The following SIPA1L1 variants were observed in gnomAD, a reference collection of about 807,000 sequenced individuals.
SIPA1L1 encodes signal-induced proliferation-associated 1-like protein 1.
SIPA1L1 carries 26 observed loss-of-function variants against 162.7 expected under a neutral mutation model. The observed-to-expected ratio is 0.16, with a 90% CI of 0.12 to 0.22. The LOEUF (loss-of-function observed/expected upper bound fraction) is 0.22, where lower values mean the gene tolerates loss of function less well. Ranked by LOEUF, SIPA1L1 falls within the 10% of genes least tolerant of loss-of-function variation. The pLI is 1.00. For missense variants in SIPA1L1, 1,874 were observed against 2,241.0 expected (o/e 0.84, Z 3.31); for synonymous variants, 829 against 837.4 (o/e 0.99, Z 0.17).
At chr14:71,473,501 A>G (rs945083802) in intron 2 of SIPA1L1, among the ~76,000 whole-genome samples, 1 of 152,140 alleles carries the variant, frequency 6.6e-6, no homozygotes, top group Admixed American at 6.6e-5. Flanking sequence ...TTCTGATTCA[A>G]ATTTATTGGT....
At chr14:71,602,089 CT>C (rs1454267415) in intron 5 of SIPA1L1, among the ~76,000 whole-genome samples, 10 of 151,186 alleles carry the variant, frequency 6.6e-5, no homozygotes, top group Non-Finnish European at 1.2e-4. Context: ...TCTGTTATTT[CT>C]TTCCTTCTAC....
intron 3 of SIPA1L1, chr14:71,528,724 C>T (rs1345098021): frequency 1.3e-5 from 2 of 152,122 alleles, no homozygotes; most frequent in Admixed American, 6.6e-5. Flanking sequence ...TCCAGGGCAA[C>T]AGTACTTGAT....
chr14:71,656,900 G>C (rs538645941), intron 8 of SIPA1L1, among the ~76,000 whole-genome samples: 2 of 152,214 alleles, frequency 1.3e-5, no homozygotes, highest in Admixed American at 6.5e-5. Context: ...GAGTATTTTG[G>C]GGGGTGGGCC....
chr14:71,640,047 G>A (rs1257257068), intron 7 of SIPA1L1, among the ~76,000 whole-genome samples: 2 of 152,024 alleles, frequency 1.3e-5, no homozygotes, highest in East Asian at 3.9e-4. Flanking sequence ...GGAATTACAG[G>A]TGCATACCAC....
At chr14:71,657,372 G>A (rs1365710690) in intron 8 of SIPA1L1, among the ~76,000 whole-genome samples, 2 of 151,310 alleles carry the variant, frequency 1.3e-5, no homozygotes, top group Non-Finnish European at 1.5e-5. Flanking sequence ...AAAAAATTGG[G>A]TTGATAGAGG....
chr14:71,464,680 T>G (rs1359330133), intron 2 of SIPA1L1, among the ~76,000 whole-genome samples: 2 of 151,612 alleles, frequency 1.3e-5, no homozygotes, highest in Non-Finnish European at 2.9e-5. Flanking sequence ...ACAAACAGAG[T>G]CCCTACTTAG....
At chr14:71,601,375 T>G (rs2036728869) in intron 5 of SIPA1L1, among the ~76,000 whole-genome samples, 3 of 152,220 alleles carry the variant, frequency 2.0e-5, no homozygotes, top group Admixed American at 2.0e-4. Context: ...TCCATTCAGT[T>G]GATGTGATAT....
At chr14:71,332,226 A>G (rs2034626885) in intron 2 of SIPA1L1, among the ~76,000 whole-genome samples, 1 of 152,126 alleles carries the variant, frequency 6.6e-6, no homozygotes, top group Non-Finnish European at 1.5e-5. Context: ...CTTTTCCTGT[A>G]AGTGTTTATT....
At chr14:71,437,725 A>G (rs2044507030) in intron 2 of SIPA1L1, among the ~76,000 whole-genome samples, 2 of 152,168 alleles carry the variant, frequency 1.3e-5, no homozygotes, top group Non-Finnish European at 2.9e-5. Context: ...TACCTCTATC[A>G]CAACAAACAT....
chr14:71,441,815 A>C (rs2044878980), intron 2 of SIPA1L1, among the ~76,000 whole-genome samples: 2 of 152,120 alleles, frequency 1.3e-5, no homozygotes, highest in South Asian at 4.1e-4. Context: ...TGTTGCTTTA[A>C]AATGTTAGTA....
intron 2 of SIPA1L1, among the ~76,000 whole-genome samples, chr14:71,479,047 G>A (rs1020131620): frequency 6.6e-6 from 1 of 152,130 alleles, no homozygotes; most frequent in Non-Finnish European, 1.5e-5. Context: ...CTAAAACTCA[G>A]TTTGTTCCCT....
chr14:71,694,226 G>GTGTGTGTGTGCGTGTGTGTA lies in SIPA1L1; in HGVS notation c.3375-4744_3375-4725dup. ...ACAGGGGTGGTTGTGTTAGAAATCC[G>GTGTGTGTGTGCGTGTGTGTA]TGTGTGTGTGCGTGTGTGTATGTGT... is the stretch of plus-strand genomic sequence containing the variant. On this transcript the variant is annotated intron_variant, in intron 13 of 23. Coordinates refer to ENST00000381232, the MANE Select transcript of SIPA1L1 (RefSeq NM_001386936.1). Among the ~76,000 whole-genome samples the GTGTGTGTGTGCGTGTGTGTA allele has an allele frequency of 2.0e-5, 3 of 152,104 alleles. No individual in the cohort carries two copies. In the Middle Eastern group the frequency reaches 0.01, roughly 517 times the overall value.
chr14:71,375,171 TTTC>T (rs1365321061), intron 2 of SIPA1L1, among the ~76,000 whole-genome samples: 1 of 152,180 alleles, frequency 6.6e-6, no homozygotes, highest in East Asian at 1.9e-4. Flanking sequence ...AGCTGCTTGC[TTTC>T]TAGCCTCTGG....
intron 2 of SIPA1L1, among the ~76,000 whole-genome samples, chr14:71,480,154 C>A (rs1484740570): frequency 2.6e-5 from 4 of 150,968 alleles, no homozygotes; most frequent in Admixed American, 1.3e-4. Context: ...GTGATCTTGG[C>A]TCACTGCAAC....
Position 71,658,523 on chromosome 14 carries a change from A to G in SIPA1L1, c.2097+87A>G, listed in dbSNP as rs1056282653. ...TGGCAAGTTTGTAAAATCTTAAACC[A>G]GAATTTAGTGTTGCACCTGTCACAG... On this transcript the variant is annotated intron_variant, in intron 9 of 23. Coordinates refer to ENST00000381232, the MANE Select transcript of SIPA1L1 (RefSeq NM_001386936.1). 3.5e-6 allele frequency: 3 copies of G among 861,832 alleles called. No individual in the cohort carries two copies. The Admixed American group carries it at 5.6e-5, about 16-fold the overall frequency. The allele number at this position is 861,832 out of a possible 1,614,324, so 53.4% of individuals were successfully genotyped here.
chr14:71,582,352 A>T (rs904358420), intron 4 of SIPA1L1, among the ~76,000 whole-genome samples: 2 of 151,854 alleles, frequency 1.3e-5, no homozygotes, highest in African/African-American at 4.8e-5. Context: ...AATAATAATA[A>T]TATTATTATT....
intron 12 of SIPA1L1, among the ~76,000 whole-genome samples, chr14:71,679,607 G>T (rs1437880377): frequency 6.6e-6 from 1 of 152,124 alleles, no homozygotes; most frequent in South Asian, 2.1e-4. Flanking sequence ...ATGTAAATGG[G>T]CTAAATGCTC....
At chr14:71,523,623 C>T (rs2052576723) in intron 3 of SIPA1L1, among the ~76,000 whole-genome samples, 1 of 152,104 alleles carries the variant, frequency 6.6e-6, no homozygotes, top group African/African-American at 2.4e-5. Flanking sequence ...AGTTATGTTT[C>T]CTTATTTTCT....
At position 71,345,105 on chromosome 14, in the gene SIPA1L1, G is replaced by A. The variant is rs139135462; in HGVS notation, c.-465+23924G>A. ...AGGCTAAGAGCCCAGGTGGGAGTGGGGGAGAAGGAGAGCAGGAGGAGTCAA... is the reference window on the plus strand; with the variant it reads ...AGGCTAAGAGCCCAGGTGGGAGTGGAGGAGAAGGAGAGCAGGAGGAGTCAA... On this transcript the variant is annotated intron_variant, in intron 2 of 23. Transcript: ENST00000381232. Among the ~76,000 whole-genome samples the A allele has an allele frequency of 5.4e-4, 82 of 152,228 alleles. 1 individual carries two copies. Among genetic ancestry groups the A allele is most frequent in the Non-Finnish European group, 1.0e-3 (71 of 68,004 alleles).
Sources: allele counts gnomAD v4.1 joint callset (sites outside exome capture counted in the v4.1 genomes callset), GRCh38; gene constraint gnomAD v4.1.1; transcripts MANE v1.5; gene names NCBI Gene and HGNC (gene_info 2026-07-23, HGNC 2026-07-21).